The following PTPRD variants were observed in gnomAD, a reference collection of about 807,000 sequenced individuals.
PTPRD encodes the protein protein tyrosine phosphatase receptor type D.
A neutral mutation model predicts 214.5 loss-of-function variants in PTPRD; 34 were observed. That is an observed-to-expected ratio of 0.16 (90% confidence interval 0.12 to 0.21). The LOEUF (loss-of-function observed/expected upper bound fraction) is 0.21. Among genes scored for constraint, PTPRD ranks in the 10% least tolerant of loss-of-function variants. PTPRD has a pLI of 1.00. For synonymous variants in PTPRD, 1,128 were observed against 845.7 expected, an observed-to-expected ratio of 1.33 and a Z score of -5.79; for missense variants, 2,545 against 2,398.7, an observed-to-expected ratio of 1.06 and a Z score of -1.27.
intron 4 of PTPRD, among the ~76,000 whole-genome samples, chr9:9,945,863 C>A (rs1322984805): frequency 6.6e-6 from 1 of 152,084 alleles, no homozygotes; most frequent in Non-Finnish European, 1.5e-5. Context: ...ACAAAGAGCA[C>A]ACACACAAAT....
chr9:8,835,230 C>G (rs2097391393), intron 11 of PTPRD, among the ~76,000 whole-genome samples: 1 of 152,186 alleles, frequency 6.6e-6, no homozygotes, highest in Non-Finnish European at 1.5e-5. Flanking sequence ...CAAGATGAGA[C>G]CAAAGATCAC....
At chr9:9,597,775 T>C (rs935839455) in intron 7 of PTPRD, among the ~76,000 whole-genome samples, 10 of 151,996 alleles carry the variant, frequency 6.6e-5, no homozygotes, top group Admixed American at 6.6e-4. Context: ...AGGTAACAGA[T>C]ACATGTATAT....
intron 7 of PTPRD, among the ~76,000 whole-genome samples, chr9:9,601,235 T>C (rs544032245): frequency 5.9e-5 from 9 of 151,736 alleles, no homozygotes; most frequent in South Asian, 2.1e-4. Context: ...TGAGTTATAA[T>C]TACTTTTGAT....
chr9:9,333,948 A>T (rs1280808296), intron 9 of PTPRD, among the ~76,000 whole-genome samples: 1 of 151,934 alleles, frequency 6.6e-6, no homozygotes, highest in African/African-American at 2.4e-5. Context: ...TCGATCCTCA[A>T]TGTCGTGCGT....
chr9:8,659,869 A>G (rs1443220232), intron 12 of PTPRD, among the ~76,000 whole-genome samples: 1 of 152,212 alleles, frequency 6.6e-6, no homozygotes, highest in Non-Finnish European at 1.5e-5. Flanking sequence ...TTTGATCTAG[A>G]GAAAGAATAT....
chr9:10,056,415 G>A (rs2097649892), intron 3 of PTPRD, among the ~76,000 whole-genome samples: 1 of 151,162 alleles, frequency 6.6e-6, no homozygotes, highest in Non-Finnish European at 1.5e-5. Context: ...ACCCACAGGA[G>A]GATAACCTCT....
chr9:9,947,337 T>A (rs1360050179), intron 4 of PTPRD, among the ~76,000 whole-genome samples: 29 of 61,148 alleles, frequency 4.7e-4, no homozygotes, highest in African/African-American at 2.1e-3. Flanking sequence ...ATATATGTAT[T>A]ATATATATAA....
intron 8 of PTPRD, among the ~76,000 whole-genome samples, chr9:9,435,398 C>T (rs568557924): frequency 9.6e-6 from 1 of 103,928 alleles, no homozygotes; most frequent in East Asian, 2.5e-4. Context: ...GTGGCATGTG[C>T]CTGCAGACCC....
chr9:8,369,357 G>C (rs1157689053), intron 39 of PTPRD, among the ~76,000 whole-genome samples: 2 of 151,950 alleles, frequency 1.3e-5, no homozygotes, highest in African/African-American at 4.8e-5. Flanking sequence ...GTTATGCTAT[G>C]AATATGGCCT....
At chr9:8,598,282 T>C (rs1285660077) in intron 14 of PTPRD, among the ~76,000 whole-genome samples, 2 of 152,014 alleles carry the variant, frequency 1.3e-5, no homozygotes, top group African/African-American at 4.8e-5. Flanking sequence ...TGAAACCCTG[T>C]CTCTATTAAA....
intron 8 of PTPRD, among the ~76,000 whole-genome samples, chr9:9,460,872 C>A (rs1022776412): frequency 6.6e-6 from 1 of 152,070 alleles, no homozygotes; most frequent in Non-Finnish European, 1.5e-5. Context: ...TACCTGCACT[C>A]TTACGTTTAT....
At chr9:9,940,769 G>A (rs1989338) in intron 4 of PTPRD, among the ~76,000 whole-genome samples, 86,355 of 152,048 alleles carry the variant, frequency 0.57, 27,590 homozygotes, top group East Asian at 0.91. Context: ...CTGCACTTTC[G>A]TAAGGGTTGT....
intron 9 of PTPRD, among the ~76,000 whole-genome samples, chr9:9,312,028 A>G (rs988676692): frequency 6.6e-6 from 1 of 152,222 alleles, no homozygotes; most frequent in Non-Finnish European, 1.5e-5. Flanking sequence ...TTCTCAACAA[A>G]GGAAGTGTAA....
intron 2 of PTPRD, among the ~76,000 whole-genome samples, chr9:10,363,997 T>TTGTTTTTTTG (rs769486650): frequency 6.4e-5 from 2 of 31,260 alleles, no homozygotes; most frequent in Admixed American, 3.3e-4. Flanking sequence ...TCGGGTTTTT[T>TTGTTTTTTTG]TTTTTTTTTT....
intron 5 of PTPRD, among the ~76,000 whole-genome samples, chr9:9,784,444 A>G (rs2098899975): frequency 6.6e-6 from 1 of 152,104 alleles, no homozygotes; most frequent in Non-Finnish European, 1.5e-5. Context: ...AAAAGATATT[A>G]TTTTAAGTCA....
At chr9:9,496,363 A>G (rs1189931074) in intron 8 of PTPRD, among the ~76,000 whole-genome samples, 3 of 152,178 alleles carry the variant, frequency 2.0e-5, no homozygotes, top group African/African-American at 7.2e-5. Flanking sequence ...GAATCTATAG[A>G]GAACTCCTAA....
intron 7 of PTPRD, among the ~76,000 whole-genome samples, chr9:9,715,906 G>T (rs1277825098): frequency 6.6e-6 from 1 of 152,056 alleles, no homozygotes; most frequent in East Asian, 1.9e-4. Flanking sequence ...ACAATGTGCA[G>T]GTTAGTTACG....
intron 7 of PTPRD, among the ~76,000 whole-genome samples, chr9:9,676,112 TG>T (rs1164651456): frequency 6.6e-6 from 1 of 152,084 alleles, no homozygotes; most frequent in Non-Finnish European, 1.5e-5. Context: ...ATCCAGTTTT[TG>T]TAAGTTTTTT....
intron 7 of PTPRD, among the ~76,000 whole-genome samples, chr9:9,642,636 C>T (rs1023096490): frequency 1.3e-5 from 2 of 152,072 alleles, no homozygotes; most frequent in Non-Finnish European, 2.9e-5. Flanking sequence ...AGCAGCCGGA[C>T]CCACACTTTG....
Sources: allele counts gnomAD v4.1 joint callset (sites outside exome capture counted in the v4.1 genomes callset), GRCh38; gene constraint gnomAD v4.1.1; transcripts MANE v1.5; gene names NCBI Gene and HGNC (gene_info 2026-07-23, HGNC 2026-07-21).